The following IPO8 variants were observed in gnomAD, a reference collection of about 807,000 sequenced individuals.
IPO8 encodes the protein importin-8.
In IPO8, 65 loss-of-function variants were observed where a neutral mutation model predicts 141.2. The observed-to-expected ratio is 0.46, with a 90% CI of 0.38 to 0.57. IPO8 has a LOEUF of 0.57. Ranked by LOEUF, IPO8 falls within the 20% of genes least tolerant of loss-of-function variation. The pLI, the probability that IPO8 is intolerant of heterozygous loss-of-function variation, is 0.00. For missense variants in IPO8, 980 were observed against 1,246.8 expected, an observed-to-expected ratio of 0.79 and a Z score of 3.22; for synonymous variants, 411 against 420.3, an observed-to-expected ratio of 0.98 and a Z score of 0.27.
chr12:30,683,386 A>G (rs969160212), intron 3 of IPO8, among the ~76,000 whole-genome samples: 5 of 152,170 alleles, frequency 3.3e-5, no homozygotes, highest in Non-Finnish European at 5.9e-5. Context: ...TGCTTATGTC[A>G]TGATGGCTAT....
chr12:30,666,242 T>C lies in IPO8; in HGVS notation c.1154A>G (p.Glu385Gly). Residue 385 changes from glutamate to glycine, a missense_variant, in exon 11 of 25, where the codon GAA becomes GGA. By Grantham distance (98) the Glu-to-Gly change is moderately conservative. Coordinates refer to ENST00000256079, the MANE Select transcript of IPO8 (RefSeq NM_006390.4). ...TGCTGTGGTGGGAGAAGCATAATCT[T>C]CAAAAATATCTAAGATTTTAAAAGG... ...EYIRMKFDIF[E>G]DYASPTTAAQ... The C allele has an allele frequency of 6.3e-7, 1 of 1,579,396 alleles. No homozygotes were observed. Among genetic ancestry groups the C allele is most frequent in the Non-Finnish European group, 8.6e-7 (1 of 1,157,416 alleles).
intron 3 of IPO8, among the ~76,000 whole-genome samples, chr12:30,683,036 T>C (rs1305245088): frequency 1.3e-5 from 2 of 152,164 alleles, no homozygotes; most frequent in Non-Finnish European, 2.9e-5. Flanking sequence ...AAACTGAAGC[T>C]TTTCATTTTT....
chr12:30,630,778 C>T lies in IPO8; in HGVS notation c.*82G>A, dbSNP rs1269688952. 7 of 1,140,950 alleles carry T rather than the reference C, an allele frequency of 6.1e-6. No individual in the cohort carries two copies. The African/African-American group carries it at 7.7e-5, about 13-fold the overall frequency. The allele number at this position is 1,140,950 out of a possible 1,614,324, so 70.7% of individuals were successfully genotyped here. A position where few individuals can be genotyped will look rare whatever the true frequency, so the allele number is the denominator to read the frequency against. On this transcript the variant is annotated 3_prime_UTR_variant, in exon 25 of 25. Coordinates refer to ENST00000256079, the MANE Select transcript of IPO8 (RefSeq NM_006390.4). ...AGCAGGAGGGCCCTAAAAGCAGCCC[C>T]TCATTTCATCCCCTTGACCCTCACA...
At chr12:30,676,786 T>G (rs1225157829) in intron 5 of IPO8, 199 bp from the exon 6 acceptor site, 7 of 833,824 alleles carry the variant, frequency 8.4e-6, no homozygotes, top group Non-Finnish European at 9.5e-6. Flanking sequence ...GAAGACTACC[T>G]GCCATGAGTT....
rs2136180656 is a variant in IPO8, at chr12:30,695,386, C to A, written c.84+178G>T. On this transcript the variant is annotated intron_variant, in intron 1 of 24. Coordinates refer to ENST00000256079, the MANE Select transcript of IPO8 (RefSeq NM_006390.4). The surrounding 1 kb of genome is among the most constrained non-coding windows in gnomAD (Gnocchi z 4.2). Reference sequence around the variant, plus strand: ...GGTGCGCGAGCTGTTCGGCAAAGATCCTGGGAGCCCTGCTCCACTGGACCG... The same window carrying A: ...GGTGCGCGAGCTGTTCGGCAAAGATACTGGGAGCCCTGCTCCACTGGACCG... 6.6e-6 allele frequency among the ~76,000 whole-genome samples: 1 copy of A among 152,296 alleles called. No individual in the cohort carries two copies. Among genetic ancestry groups the A allele is most frequent in the Non-Finnish European group, 1.5e-5 (1 of 68,026 alleles).
intron 6 of IPO8, among the ~76,000 whole-genome samples, chr12:30,676,038 C>A (rs951087213): frequency 1.8e-4 from 28 of 152,022 alleles, no homozygotes; most frequent in Non-Finnish European, 2.9e-4. Context: ...GTGATCCCCC[C>A]ACCTCAGCTT....
chr12:30,676,722 A>G lies in IPO8; in HGVS notation c.640-135T>C, dbSNP rs1482834247. ...GAAAATAGCAATCTTGTATGGTTCA[A>G]CCTAACTTAAAACAGATTCATACGA... On this transcript the variant is annotated intron_variant, in intron 5 of 24. Transcript: ENST00000256079. 1.3e-5 allele frequency: 10 copies of G among 779,066 alleles called. 1 individual carries two copies. In the Middle Eastern group the frequency reaches 9.3e-4, roughly 73 times the overall value. 48.3% of individuals were successfully genotyped at this position (779,066 alleles called of 1,614,324 possible).
chr12:30,680,244 G>C lies in IPO8; in HGVS notation c.639+238C>G, dbSNP rs2053174529. 4 of 356,848 alleles carry C rather than the reference G, an allele frequency of 1.1e-5. No homozygotes were observed. The South Asian group carries it at 2.5e-4, about 22-fold the overall frequency. The allele number at this position is 356,848 out of a possible 1,614,324, so 22.1% of individuals were successfully genotyped here. A position where few individuals can be genotyped will look rare whatever the true frequency, so the allele number is the denominator to read the frequency against. Reference sequence around the variant, plus strand: ...TAGAGCAGGTAGGTTTACCTACCCTGGTTCTGCTTTACCCATGATTTCAGA... The same window carrying C: ...TAGAGCAGGTAGGTTTACCTACCCTCGTTCTGCTTTACCCATGATTTCAGA... On this transcript the variant is annotated intron_variant, in intron 5 of 24. Transcript: ENST00000256079.
At chr12:30,681,493 C>A (rs144374194) in intron 4 of IPO8, among the ~76,000 whole-genome samples, 166 bp downstream of exon 4, 45 of 152,304 alleles carry the variant, frequency 3.0e-4, no homozygotes, top group African/African-American at 9.9e-4. Context: ...ATTAAAGTTT[C>A]TTTCAATAAC....
intron 8 of IPO8, among the ~76,000 whole-genome samples, chr12:30,673,150 T>C (rs1423172053): frequency 1.3e-5 from 2 of 152,034 alleles, no homozygotes. Context: ...TCTCAGCTAC[T>C]TGGGAGGCTG....
At chr12:30,667,492 A>G (rs942309868) in intron 10 of IPO8, among the ~76,000 whole-genome samples, 3 of 152,262 alleles carry the variant, frequency 2.0e-5, no homozygotes, top group African/African-American at 7.2e-5. Flanking sequence ...TAATCAGTCA[A>G]TACATTTAGA....
Position 30,641,493 on chromosome 12 carries a change from C to CTTTT in IPO8, c.2269-1762_2269-1759dup, listed in dbSNP as rs58656525. On this transcript the variant is annotated intron_variant, in intron 20 of 24. Transcript: ENST00000256079. ...CCGTTACCAAAAAATTAAGCTATTTCTTTTTTTTTTTTTTTTTTCTTTTTT... is the reference window on the plus strand; with the variant it reads ...CCGTTACCAAAAAATTAAGCTATTTCTTTTTTTTTTTTTTTTTTTTTTCTTTTTT... Among the ~76,000 whole-genome samples, 233 of 135,026 alleles carry CTTTT rather than the reference C, an allele frequency of 1.7e-3. 3 individuals carry two copies. Among genetic ancestry groups the CTTTT allele is most frequent in the East Asian group, 3.1e-3 (13 of 4,254 alleles). 88.6% of individuals were successfully genotyped at this position (135,026 alleles called of 152,430 possible).
rs2136163675 is a variant in IPO8, at chr12:30,674,683, T to C, written c.800A>G (p.His267Arg). ...VWWKCKKWALHIVARLFERYG... is the reference protein window; with the variant it reads ...VWWKCKKWALRIVARLFERYG... ...CCGTTCAAAGAGCCGAGCTACAATA[T>C]GCAGTGCCCACTTCTTACACTTCCA... The change falls in exon 7 of 25, where the codon CAT becomes CGT. Residue 267 changes from histidine (H) to arginine (R), a missense_variant. This residue lies in a region of IPO8 where 924 missense variants were observed against 1,153.9 expected (regional missense o/e 0.80). Coordinates refer to ENST00000256079, the MANE Select transcript of IPO8 (RefSeq NM_006390.4). 6.2e-7 allele frequency: 1 copy of C among 1,612,924 alleles called. No individual in the cohort carries two copies. Among genetic ancestry groups the C allele is most frequent in the East Asian group, 2.2e-5 (1 of 44,838 alleles).
intron 17 of IPO8, among the ~76,000 whole-genome samples, chr12:30,654,903 A>G (rs915437037): frequency 6.6e-6 from 1 of 152,094 alleles, no homozygotes; most frequent in Non-Finnish European, 1.5e-5. Flanking sequence ...GTGCCCTCCT[A>G]TGTTCACTGA....
intron 4 of IPO8, 37 bp from the exon 5 acceptor site, chr12:30,680,675 T>C: frequency 6.5e-7 from 1 of 1,533,340 alleles, no homozygotes; most frequent in Admixed American, 2.0e-5. Flanking sequence ...AAGTAATTTT[T>C]CCCACCCAAA....
chr12:30,676,639 C>A (rs368305278), intron 5 of IPO8, 52 bp from the exon 6 acceptor site: 1 of 1,335,580 alleles, frequency 7.5e-7, no homozygotes, highest in Non-Finnish European at 1.1e-6. Flanking sequence ...CCAAAAAAAT[C>A]AGCAATTTTA....
In IPO8 at chr12:30,662,483, C is replaced by G. The variant is rs202159470; in HGVS notation, c.1599G>C (p.Lys533Asn). 2.9e-4 allele frequency: 463 copies of G among 1,608,026 alleles called. No homozygotes were observed. Among genetic ancestry groups the G allele is most frequent in the Non-Finnish European group, 3.5e-4 (408 of 1,175,916 alleles). ...GCCTCACATGTGGCTTCATATATTC[C>G]TTAGCTAATTCAATAAAACAAACAA... ...QSLISNQIQA[K>N]EYMKPHVRPI... The change falls in exon 15 of 25, where the codon AAG becomes AAC. Residue 533 changes from lysine (K) to asparagine (N), a missense_variant. Lys to Asn is a moderately conservative substitution (Grantham distance 94). Around this residue, in one of 3 missense-constraint regions of IPO8, gnomAD observed 924 missense variants for 1,153.9 expected, o/e 0.80. Coordinates refer to ENST00000256079, the MANE Select transcript of IPO8 (RefSeq NM_006390.4).
In IPO8 at chr12:30,695,514, G is replaced by T. The variant is rs1021632986; in HGVS notation, c.84+50C>A. 3 of 1,546,282 alleles carry T rather than the reference G, an allele frequency of 1.9e-6. No homozygotes were observed. Among genetic ancestry groups the T allele is most frequent in the African/African-American group, 2.7e-5 (2 of 73,540 alleles). On this transcript the variant is annotated intron_variant, in intron 1 of 24. Transcript: ENST00000256079. The surrounding 1 kb of genome is among the most constrained non-coding windows in gnomAD (Gnocchi z 4.2). The stretch of plus-strand genomic sequence containing the variant: ...CGGGGAGAGGGAGCCCGGCCAGCCG[G>T]CAGGGGCGCCCCTTCGGCGGAAGAG...
intron 10 of IPO8, 146 bp downstream of exon 10, chr12:30,669,037 A>T (rs2053009398): frequency 2.0e-6 from 1 of 499,976 alleles, no homozygotes. Flanking sequence ...ACAAAATAAC[A>T]TCAAACTCTC....
Sources: allele counts gnomAD v4.1 joint callset (sites outside exome capture counted in the v4.1 genomes callset), GRCh38; gene constraint gnomAD v4.1.1; regional missense constraint gnomAD v4.1.1; non-coding constraint Gnocchi (gnomAD v3.1); transcripts MANE v1.5; gene names NCBI Gene and HGNC (gene_info 2026-07-23, HGNC 2026-07-21).